The following TNNI3K variants were observed in gnomAD, a reference collection of about 807,000 sequenced individuals.
TNNI3K encodes TNNI3 interacting kinase, also known as serine/threonine-protein kinase TNNI3K.
Under a neutral mutation model 114.5 loss-of-function variants are expected in TNNI3K, and 140 were observed. That is an observed-to-expected ratio of 1.22 (90% CI 1.07 to 1.41). TNNI3K has a LOEUF of 1.41. Ranked by LOEUF, TNNI3K falls within the 40% of genes most tolerant of loss-of-function variation. The probability of loss-of-function intolerance (pLI) is 0.00; values close to 1 mark genes in which losing one functional copy is unlikely to be tolerated. For missense variants in TNNI3K, 1,125 were observed against 1,007.6 expected (o/e 1.12, Z -1.58); for synonymous variants, 347 against 347.5 (o/e 1.00, Z 0.02).
At chr1:74,428,670 C>A (rs9659703) in intron 17 of TNNI3K, among the ~76,000 whole-genome samples, 1 of 152,048 alleles carries the variant, frequency 6.6e-6, no homozygotes, top group Non-Finnish European at 1.5e-5. Context: ...AGCAGGGGCT[C>A]ATGCCTGTAA....
intron 21 of TNNI3K, among the ~76,000 whole-genome samples, chr1:74,465,668 G>C (rs1318604916): frequency 1.3e-5 from 2 of 152,138 alleles, no homozygotes; most frequent in Admixed American, 1.3e-4. Context: ...CTGGTGGGCA[G>C]CTCTGCCCAC....
At chr1:74,533,161 A>G (rs1228799480) in intron 23 of TNNI3K, among the ~76,000 whole-genome samples, 3 of 152,180 alleles carry the variant, frequency 2.0e-5, no homozygotes, top group African/African-American at 7.2e-5. Flanking sequence ...TTCGCAACCT[A>G]CTCATCTGAC....
chr1:74,466,262 A>G (rs765792650), intron 21 of TNNI3K, among the ~76,000 whole-genome samples: 19 of 152,032 alleles, frequency 1.2e-4, no homozygotes, highest in Middle Eastern at 3.4e-3. Context: ...GACAAAGTTT[A>G]CCATCAAATA....
chr1:74,510,572 T>A (rs1292506865), intron 23 of TNNI3K, among the ~76,000 whole-genome samples: 1 of 152,164 alleles, frequency 6.6e-6, no homozygotes, highest in Non-Finnish European at 1.5e-5. Flanking sequence ...TTTTAAAAAA[T>A]TATTGCTCAT....
At chr1:74,502,286 A>C (rs1669672716) in intron 23 of TNNI3K, among the ~76,000 whole-genome samples, 2 of 152,330 alleles carry the variant, frequency 1.3e-5, no homozygotes, top group African/African-American at 4.8e-5. Flanking sequence ...TGCCCGGTAC[A>C]TGGTAGGTGC....
chr1:74,525,006 G>A (rs573931522), intron 23 of TNNI3K, among the ~76,000 whole-genome samples: 2 of 152,282 alleles, frequency 1.3e-5, no homozygotes, highest in African/African-American at 4.8e-5. Flanking sequence ...TATATAGTAA[G>A]TATTTTACTT....
At chr1:74,416,498 A>G (rs1000463703) in intron 17 of TNNI3K, 1 of 982,614 alleles carries the variant, frequency 1.0e-6, no homozygotes, top group African/African-American at 1.7e-5. Flanking sequence ...TTACACTAGT[A>G]GGTGTGACAG....
intron 17 of TNNI3K, among the ~76,000 whole-genome samples, chr1:74,435,536 A>T (rs1666082608): frequency 6.6e-6 from 1 of 152,042 alleles, no homozygotes; most frequent in Admixed American, 6.6e-5. Context: ...CAAAACCTTA[A>T]AAAGTGGTTT....
chr1:74,514,653 G>A (rs1646322775), intron 23 of TNNI3K, among the ~76,000 whole-genome samples: 1 of 151,992 alleles, frequency 6.6e-6, no homozygotes, highest in Non-Finnish European at 1.5e-5. Flanking sequence ...GGGGAAGCTG[G>A]GATTGACTCC....
chr1:74,533,787 T>C (rs967147411), intron 23 of TNNI3K, among the ~76,000 whole-genome samples: 6 of 152,090 alleles, frequency 3.9e-5, no homozygotes, highest in African/African-American at 1.4e-4. Context: ...TTGGAAATCA[T>C]CATTCTCAGT....
intron 17 of TNNI3K, among the ~76,000 whole-genome samples, chr1:74,387,516 C>T (rs578171620): frequency 5.3e-4 from 80 of 152,274 alleles, no homozygotes; most frequent in African/African-American, 1.7e-3. Flanking sequence ...AATTGAAGCC[C>T]ATGTCTCAAA....
chr1:74,402,250 A>C (rs532510194), intron 17 of TNNI3K, among the ~76,000 whole-genome samples: 5 of 152,282 alleles, frequency 3.3e-5, no homozygotes, highest in South Asian at 2.1e-4. Flanking sequence ...TAGACAACCC[A>C]GGAAGCCTAA....
At chr1:74,440,063 AG>A (rs1258695729) in intron 20 of TNNI3K, among the ~76,000 whole-genome samples, 4 of 151,618 alleles carry the variant, frequency 2.6e-5, no homozygotes, top group Non-Finnish European at 5.9e-5. Context: ...ATAAAAAAGA[AG>A]ATGGGTTTTC....
intron 21 of TNNI3K, among the ~76,000 whole-genome samples, chr1:74,465,438 C>T (rs1053964824): frequency 7.2e-5 from 11 of 152,222 alleles, no homozygotes; most frequent in Non-Finnish European, 1.3e-4. Flanking sequence ...GGTCCCGCAA[C>T]ACTGCTGGCC....
intron 23 of TNNI3K, among the ~76,000 whole-genome samples, chr1:74,530,083 G>A (rs535765278): frequency 6.6e-6 from 1 of 152,204 alleles, no homozygotes; most frequent in East Asian, 1.9e-4. Flanking sequence ...TACTGCCTTG[G>A]CCTCCCAAAG....
chr1:74,411,818 G>A (rs1664894675), intron 17 of TNNI3K, among the ~76,000 whole-genome samples: 1 of 152,130 alleles, frequency 6.6e-6, no homozygotes, highest in African/African-American at 2.4e-5. Flanking sequence ...AAGAAATAGA[G>A]ACAGTGAATT....
At chr1:74,538,443 A>G (rs534658570) in intron 23 of TNNI3K, among the ~76,000 whole-genome samples, 1 of 152,316 alleles carries the variant, frequency 6.6e-6, no homozygotes, top group South Asian at 2.1e-4. Flanking sequence ...TGTACCAGGC[A>G]CTGTTCTGAG....
At chr1:74,332,228 A>G (rs1660239478) in intron 6 of TNNI3K, among the ~76,000 whole-genome samples, 1 of 152,008 alleles carries the variant, frequency 6.6e-6, no homozygotes, top group Non-Finnish European at 1.5e-5. Context: ...ATACTATGGG[A>G]TAGGCACTAT....
At chr1:74,240,041 T>C (rs1557442095) in intron 2 of TNNI3K, 1 of 459,168 alleles carries the variant, frequency 2.2e-6, no homozygotes, top group East Asian at 7.0e-5. Context: ...AGAGTACCAT[T>C]GTCTGATTAT....
Sources: gnomAD v4.1 joint callset for allele counts (sites outside exome capture counted in the v4.1 genomes callset) on GRCh38, gnomAD v4.1.1 for gene constraint, MANE v1.5 for transcripts, NCBI Gene and HGNC (gene_info 2026-07-23, HGNC 2026-07-21) for gene names.